LRTM3: variants seen among roughly 807,000 people sequenced by gnomAD.
The protein encoded by LRTM3 is leucine-rich repeat transmembrane protein 3.
the LRTM3 span, chr13:102,734,830 C>G: frequency 6.4e-7 from 1 of 1,551,154 alleles, no homozygotes; most frequent in African/African-American, 1.4e-5. Flanking sequence ...CCTGCACCTT[C>G]TCTTCCTGAT....
the LRTM3 span, among the ~76,000 whole-genome samples, chr13:102,755,931 GTATATATATACATA>G: frequency 4.8e-4 from 56 of 115,468 alleles, 1 homozygote; most frequent in African/African-American, 1.6e-3. Context: ...GTGTGTGTGT[GTATATATATACATA>G]TATATATATA....
the LRTM3 span, chr13:102,759,001 T>A: frequency 2.1e-6 from 2 of 930,732 alleles, no homozygotes; most frequent in African/African-American, 1.7e-5. Flanking sequence ...CCCTGAAATA[T>A]AAAACCTCGG....
At chr13:102,737,628 T>C in the LRTM3 span, 1 of 1,550,830 alleles carries the variant, frequency 6.4e-7, no homozygotes, top group South Asian at 1.2e-5. Context: ...TTCAGATCTT[T>C]GTCTTCTGGA....
chr13:102,745,534 G>C, the LRTM3 span: 4 of 1,550,992 alleles, frequency 2.6e-6, no homozygotes, highest in South Asian at 3.6e-5. Context: ...CCCTGATATT[G>C]AGCATGTATG....
chr13:102,731,529 T>C, the LRTM3 span: 1 of 1,551,440 alleles, frequency 6.4e-7, no homozygotes, highest in Non-Finnish European at 8.7e-7. Flanking sequence ...GTTGATATTG[T>C]ATCTGGACCC....
the LRTM3 span, chr13:102,730,672 ATGT>A: frequency 6.4e-7 from 1 of 1,551,974 alleles, no homozygotes; most frequent in Admixed American, 2.0e-5. Flanking sequence ...TGAAAGAAAT[ATGT>A]TGTTCTAACA....
chr13:102,750,019 AT>A, the LRTM3 span: 2 of 1,550,092 alleles, frequency 1.3e-6, no homozygotes, highest in Non-Finnish European at 1.7e-6. Context: ...CTAGATCTTC[AT>A]TTTCTACAGT....
the LRTM3 span, among the ~76,000 whole-genome samples, chr13:102,755,565 C>T: frequency 4.6e-5 from 7 of 151,984 alleles, no homozygotes; most frequent in Admixed American, 1.3e-4. Context: ...AACCAAACAC[C>T]GCATGTTCTC....
At chr13:102,744,049 T>G in the LRTM3 span, 1 of 1,550,626 alleles carries the variant, frequency 6.4e-7, no homozygotes, top group Non-Finnish European at 8.7e-7. Flanking sequence ...TTGATTTGGA[T>G]GTTGTACTCT....
chr13:102,735,701 C>T, the LRTM3 span: 5 of 1,551,086 alleles, frequency 3.2e-6, no homozygotes, highest in Admixed American at 2.0e-5. Flanking sequence ...TTTTGAGTTG[C>T]TTAATGTGTA....
At chr13:102,753,647 GC>G in the LRTM3 span, among the ~76,000 whole-genome samples, 6 of 152,106 alleles carry the variant, frequency 3.9e-5, no homozygotes, top group African/African-American at 1.4e-4. Context: ...GTTCTTTAAT[GC>G]CACCTAATTT....
the LRTM3 span, chr13:102,737,914 A>G: frequency 6.4e-7 from 1 of 1,550,780 alleles, no homozygotes; most frequent in Non-Finnish European, 8.7e-7. Context: ...TTTCCTGTTC[A>G]TTCTTGTCTC....
the LRTM3 span, among the ~76,000 whole-genome samples, chr13:102,754,193 A>G: frequency 7.4e-6 from 1 of 135,006 alleles, no homozygotes; most frequent in Non-Finnish European, 1.6e-5. Context: ...CAACAGAATG[A>G]GACTCCATCT....
At chr13:102,733,129 G>C in the LRTM3 span, 1 of 1,551,402 alleles carries the variant, frequency 6.4e-7, no homozygotes, top group Admixed American at 2.0e-5. Flanking sequence ...CACTTTGAAG[G>C]GGAAACTTAG....
chr13:102,750,250 G>A, the LRTM3 span: 1 of 1,551,140 alleles, frequency 6.4e-7, no homozygotes, highest in East Asian at 2.4e-5. Flanking sequence ...TTTCACTAGA[G>A]GGACTTACTT....
the LRTM3 span, chr13:102,735,458 G>A: frequency 6.4e-7 from 1 of 1,551,242 alleles, no homozygotes; most frequent in Non-Finnish European, 8.7e-7. Flanking sequence ...AAGATATGGT[G>A]GAGTAAGTAA....
chr13:102,733,330 A>C, the LRTM3 span: 2 of 1,551,318 alleles, frequency 1.3e-6, no homozygotes, highest in Non-Finnish European at 1.7e-6. Context: ...TTCTATCATT[A>C]CTTTGTCCAT....
the LRTM3 span, chr13:102,736,890 C>T: frequency 1.6e-5 from 25 of 1,551,066 alleles, no homozygotes; most frequent in East Asian, 5.9e-4. Context: ...TCTGATGATT[C>T]CATGTGCCAT....
At chr13:102,748,653 G>A in the LRTM3 span, 1 of 1,550,546 alleles carries the variant, frequency 6.4e-7, no homozygotes, top group Non-Finnish European at 8.7e-7. Context: ...TTTGGAATAT[G>A]GAGATCAAAT....
Sources: allele counts gnomAD v4.1 joint callset (sites outside exome capture counted in the v4.1 genomes callset), GRCh38; gene constraint gnomAD v4.1.1; transcripts MANE v1.5; gene names NCBI Gene and HGNC (gene_info 2026-07-23, HGNC 2026-07-21).